NOVA1: variants seen among roughly 807,000 people sequenced by gnomAD.
NOVA1 encodes the protein RNA-binding protein Nova-1.
A neutral mutation model predicts 38.0 loss-of-function variants in NOVA1; 7 were observed. The observed-to-expected ratio is 0.18, with a 90% CI of 0.10 to 0.35. The LOEUF (loss-of-function observed/expected upper bound fraction) is 0.35. Ranked by LOEUF, NOVA1 falls within the 10% of genes least tolerant of loss-of-function variation. The pLI is 1.00. For synonymous variants in NOVA1, 270 were observed against 232.5 expected (o/e 1.16, Z -1.47); for missense variants, 460 against 616.0 (o/e 0.75, Z 2.68).
chr14:26,484,692 T>C (rs61986460), intron 2 of NOVA1, among the ~76,000 whole-genome samples: 6,266 of 152,164 alleles, frequency 0.041, 190 homozygotes, highest in South Asian at 0.097. Context: ...ACAACTCTAC[T>C]GAAAGCATTC....
At chr14:26,492,468 T>C (rs1265334603) in intron 2 of NOVA1, among the ~76,000 whole-genome samples, 3 of 152,200 alleles carry the variant, frequency 2.0e-5, no homozygotes, top group Non-Finnish European at 4.4e-5. Flanking sequence ...TCTTCACTAT[T>C]GAGTGTGATG....
rs528810918 is a variant in NOVA1 at position 26,554,481 on chromosome 14, G to A, written c.280+40929C>T. On this transcript the variant is annotated intron_variant, in intron 2 of 4. Coordinates refer to ENST00000539517, the MANE Select transcript of NOVA1 (RefSeq NM_002515.3). ...CCAAGTCATATTGACTGAAAGAAGAGAAATTGAGTTATAGGTTGGCTATGA... is the reference window on the plus strand; with the variant it reads ...CCAAGTCATATTGACTGAAAGAAGAAAAATTGAGTTATAGGTTGGCTATGA... Among the ~76,000 whole-genome samples the A allele has an allele frequency of 1.1e-3, 173 of 152,254 alleles. No homozygotes were observed. In the East Asian group the frequency reaches 0.032, roughly 28 times the overall value.
In NOVA1 at chr14:26,515,652, T is replaced by C. The variant is rs552704212; in HGVS notation, c.281-35509A>G. 9.9e-5 allele frequency among the ~76,000 whole-genome samples: 15 copies of C among 152,126 alleles called. No homozygotes were observed. The East Asian group carries it at 2.9e-3, about 29-fold the overall frequency. Reference sequence around the variant, plus strand: ...AATACAAGATTTTGGACATGTATCCTATGCCTACTAAAAAGCATGGTAAAG... The same window carrying C: ...AATACAAGATTTTGGACATGTATCCCATGCCTACTAAAAAGCATGGTAAAG... On this transcript the variant is annotated intron_variant, in intron 2 of 4. Coordinates refer to ENST00000539517, the MANE Select transcript of NOVA1 (RefSeq NM_002515.3).
chr14:26,570,319 C>T (rs1892392650), intron 2 of NOVA1, among the ~76,000 whole-genome samples: 1 of 151,882 alleles, frequency 6.6e-6, no homozygotes, highest in Non-Finnish European at 1.5e-5. Context: ...TGCACTCCAG[C>T]CTGGGCAACG....
At chr14:26,596,691 C>T (rs1276923146) in intron 1 of NOVA1, 1 of 1,288,452 alleles carries the variant, frequency 7.8e-7, no homozygotes, top group Non-Finnish European at 1.0e-6. Context: ...AACAAGTCAC[C>T]GTTCCAGACA....
chr14:26,566,017 G>A (rs1298579393), intron 2 of NOVA1, among the ~76,000 whole-genome samples: 2 of 152,032 alleles, frequency 1.3e-5, no homozygotes, highest in African/African-American at 4.8e-5. Context: ...GGCAAACAAA[G>A]GGATGAAAAT....
intron 4 of NOVA1, among the ~76,000 whole-genome samples, chr14:26,461,119 G>T (rs1470089197): frequency 6.6e-6 from 1 of 152,086 alleles, no homozygotes; most frequent in Non-Finnish European, 1.5e-5. Flanking sequence ...CCTACCAAGT[G>T]GTCCAGAGAA....
At position 26,596,165 on chromosome 14, in the gene NOVA1, TCTAA is replaced by T. The variant is rs1894174360; in HGVS notation, c.137-616_137-613del. ...TAACTCAGTGTGGTGGACTGGCAAA[TCTAA>T]CTAATCCTAGTGCATTTCTTTAGCA... On this transcript the variant is annotated intron_variant, in intron 1 of 4. Coordinates refer to ENST00000539517, the MANE Select transcript of NOVA1 (RefSeq NM_002515.3). The T allele has an allele frequency of 4.3e-5, 10 of 232,502 alleles. No individual in the cohort carries two copies. The South Asian group carries it at 5.4e-4, about 13-fold the overall frequency. The allele number at this position is 232,502 out of a possible 1,614,324, so 14.4% of individuals were successfully genotyped here.
chr14:26,563,188 AGAAGGAAG>A (rs559368384), intron 2 of NOVA1, among the ~76,000 whole-genome samples: 2 of 151,902 alleles, frequency 1.3e-5, no homozygotes, highest in South Asian at 2.1e-4. Flanking sequence ...GAAGAAAGAA[AGAAGGAAG>A]GAAGGAAGGA....
intron 2 of NOVA1, among the ~76,000 whole-genome samples, chr14:26,573,909 G>A (rs1432949028): frequency 6.6e-6 from 1 of 151,862 alleles, no homozygotes; most frequent in African/African-American, 2.4e-5. Context: ...AGGATGCTCA[G>A]CAACCCCACA....
chr14:26,492,111 A>C (rs1886392404), intron 2 of NOVA1, among the ~76,000 whole-genome samples: 1 of 152,148 alleles, frequency 6.6e-6, no homozygotes, highest in Non-Finnish European at 1.5e-5. Flanking sequence ...TCCTTGGTTA[A>C]ATTTATTTGC....
chr14:26,463,275 G>C (rs908541541), intron 4 of NOVA1, among the ~76,000 whole-genome samples: 3 of 152,092 alleles, frequency 2.0e-5, no homozygotes, highest in Non-Finnish European at 2.9e-5. Context: ...AGCATTTCTT[G>C]TATCAACATT....
chr14:26,509,604 C>T (rs1457122550), intron 2 of NOVA1, among the ~76,000 whole-genome samples: 1 of 152,102 alleles, frequency 6.6e-6, no homozygotes, highest in Non-Finnish European at 1.5e-5. Flanking sequence ...GCACACTGCA[C>T]ATTTGATACA....
intron 3 of NOVA1, among the ~76,000 whole-genome samples, chr14:26,475,735 T>A (rs969327079): frequency 2.0e-5 from 3 of 152,194 alleles, no homozygotes; most frequent in Non-Finnish European, 4.4e-5. Flanking sequence ...TATAGTTTTT[T>A]AAAAAATCAA....
chr14:26,493,773 T>C (rs1430341869), intron 2 of NOVA1, among the ~76,000 whole-genome samples: 1 of 152,066 alleles, frequency 6.6e-6, no homozygotes, highest in Admixed American at 6.5e-5. Context: ...CAGTTTTTGA[T>C]CTCCTGCCCC....
intron 2 of NOVA1, among the ~76,000 whole-genome samples, chr14:26,536,795 C>G (rs957214079): frequency 6.6e-6 from 1 of 152,048 alleles, no homozygotes; most frequent in Non-Finnish European, 1.5e-5. Context: ...GACAAACATT[C>G]TAATAGTTTT....
chr14:26,562,233 T>C (rs1404944868), intron 2 of NOVA1, among the ~76,000 whole-genome samples: 1 of 152,204 alleles, frequency 6.6e-6, no homozygotes, highest in Non-Finnish European at 1.5e-5. Context: ...AAGCAGTTCC[T>C]GGATTCAAAT....
chr14:26,507,611 G>A (rs1316575708), intron 2 of NOVA1, among the ~76,000 whole-genome samples: 1 of 152,050 alleles, frequency 6.6e-6, no homozygotes, highest in African/African-American at 2.4e-5. Flanking sequence ...AATAGCCTTA[G>A]TTTACTTCAT....
chr14:26,535,978 CAAA>C (rs533259615), intron 2 of NOVA1, among the ~76,000 whole-genome samples: 5 of 75,034 alleles, frequency 6.7e-5, no homozygotes, highest in Non-Finnish European at 9.4e-5. Context: ...GACTCCGTCT[CAAA>C]AAAAAAAAAA....
Sources: gnomAD v4.1 joint callset for allele counts (sites outside exome capture counted in the v4.1 genomes callset) on GRCh38, gnomAD v4.1.1 for gene constraint, MANE v1.5 for transcripts, NCBI Gene and HGNC (gene_info 2026-07-23, HGNC 2026-07-21) for gene names.